The following JAZF1 variants were observed in gnomAD, a reference collection of about 807,000 sequenced individuals.
JAZF1 encodes the protein JAZF zinc finger 1.
Under a neutral mutation model 26.4 loss-of-function variants are expected in JAZF1, and 8 were observed. The observed-to-expected ratio is 0.30, with a 90% CI of 0.18 to 0.55. The LOEUF is 0.55. Among genes scored for constraint, JAZF1 ranks in the 20% least tolerant of loss-of-function variants. The probability of loss-of-function intolerance (pLI) is 0.94; values close to 1 mark genes in which losing one functional copy is unlikely to be tolerated. For missense variants in JAZF1, 199 were observed against 322.0 expected, an observed-to-expected ratio of 0.62 and a Z score of 2.92; for synonymous variants, 126 against 122.3, an observed-to-expected ratio of 1.03 and a Z score of -0.20.
chr7:28,127,479 A>G (rs1003963538), intron 1 of JAZF1, among the ~76,000 whole-genome samples: 1 of 152,172 alleles, frequency 6.6e-6, no homozygotes, highest in Admixed American at 6.5e-5. Flanking sequence ...AACCTTCACC[A>G]GGCTTGCCTT....
intron 1 of JAZF1, among the ~76,000 whole-genome samples, chr7:28,160,032 T>C (rs1783257464): frequency 1.3e-5 from 2 of 152,112 alleles, no homozygotes; most frequent in Admixed American, 6.5e-5. Context: ...CTTAACAGAA[T>C]GATGGGGTGA....
chr7:27,979,360 C>T (rs929218244), intron 2 of JAZF1, among the ~76,000 whole-genome samples: 4 of 123,886 alleles, frequency 3.2e-5, no homozygotes, highest in Non-Finnish European at 6.5e-5. Flanking sequence ...TGGCCAGGTA[C>T]ACTACATTTT....
chr7:28,145,720 A>G (rs1783017248), intron 1 of JAZF1, among the ~76,000 whole-genome samples: 1 of 133,828 alleles, frequency 7.5e-6, no homozygotes, highest in Non-Finnish European at 1.5e-5. Flanking sequence ...CACCACAATA[A>G]AAAAAAAAAC....
chr7:28,056,218 C>T (rs10243394), intron 1 of JAZF1, among the ~76,000 whole-genome samples: 10,409 of 151,168 alleles, frequency 0.069, 1,221 homozygotes, highest in African/African-American at 0.24. Context: ...ACCTGGAGCA[C>T]GCAATAAACT....
Position 27,885,676 on chromosome 7 carries a change from A to AT in JAZF1, c.385+9543dup, listed in dbSNP as rs777838081. Among the ~76,000 whole-genome samples, 854 of 149,006 alleles carry AT rather than the reference A, an allele frequency of 5.7e-3. 1 individual carries two copies. The highest frequency in any genetic ancestry group is 0.018 in the African/African-American group (745 of 40,668). ...TTAGTGTTGCCGAAGTCCAACTTCC[A>AT]TTTTTTTTTTCCTTTGGTCCCACAG... On this transcript the variant is annotated intron_variant, in intron 3 of 4. Coordinates refer to ENST00000283928, the MANE Select transcript of JAZF1 (RefSeq NM_175061.4).
chr7:27,853,761 G>A (rs973531010), intron 3 of JAZF1, among the ~76,000 whole-genome samples: 4 of 152,064 alleles, frequency 2.6e-5, no homozygotes, highest in Admixed American at 1.3e-4. Flanking sequence ...ATTTCTGTTC[G>A]TTTGCATTTG....
intron 2 of JAZF1, among the ~76,000 whole-genome samples, chr7:27,982,164 A>T (rs188676861): frequency 1.3e-5 from 2 of 152,348 alleles, no homozygotes; most frequent in Admixed American, 1.3e-4. Flanking sequence ...CACCGCACCC[A>T]GGAAGTGCAA....
At chr7:27,845,998 C>T (rs1221451999) in intron 3 of JAZF1, among the ~76,000 whole-genome samples, 1 of 151,960 alleles carries the variant, frequency 6.6e-6, no homozygotes, top group Non-Finnish European at 1.5e-5. Context: ...TGCCAACCAC[C>T]CCTCCCCATA....
chr7:28,036,741 G>A (rs1783301000), intron 1 of JAZF1, among the ~76,000 whole-genome samples: 1 of 152,214 alleles, frequency 6.6e-6, no homozygotes, highest in South Asian at 2.1e-4. Context: ...ACACCTAGAG[G>A]TTCCTAACCC....
intron 2 of JAZF1, among the ~76,000 whole-genome samples, chr7:27,938,809 T>G (rs932253159): frequency 5.9e-5 from 9 of 151,766 alleles, no homozygotes; most frequent in Non-Finnish European, 1.0e-4. Flanking sequence ...ATAGCTATTT[T>G]TTTTTTTTTT....
intron 2 of JAZF1, among the ~76,000 whole-genome samples, chr7:27,930,535 A>G (rs1232425122): frequency 6.6e-6 from 1 of 152,206 alleles, no homozygotes; most frequent in Non-Finnish European, 1.5e-5. Context: ...TAATGAAAAC[A>G]GGCACATTTA....
Position 27,832,919 on chromosome 7 carries a change from G to A in JAZF1, c.613C>T (p.Arg205Cys), listed in dbSNP as rs758028442. Residue 205 changes from arginine to cysteine, a missense_variant, in exon 5 of 5, where the codon CGC becomes TGC. Around this residue, in one of 2 missense-constraint regions of JAZF1, gnomAD observed 62 missense variants for 137.2 expected, o/e 0.45. Transcript: ENST00000283928. Reference sequence around the variant, plus strand: ...CCACAGCGACACTTGAATGGTTTGCGGACACGAATCTGTGTTCTGTGACCA... The same window carrying A: ...CCACAGCGACACTTGAATGGTTTGCAGACACGAATCTGTGTTCTGTGACCA... ...KNGHRTQIRV[R>C]KPFKCRCGKS... 5.0e-6 allele frequency: 8 copies of A among 1,612,988 alleles called. No individual in the cohort carries two copies. Among genetic ancestry groups the A allele is most frequent in the South Asian group, 3.3e-5 (3 of 90,938 alleles).
At chr7:27,933,435 T>C (rs1196195016) in intron 2 of JAZF1, among the ~76,000 whole-genome samples, 1 of 152,214 alleles carries the variant, frequency 6.6e-6, no homozygotes, top group Admixed American at 6.5e-5. Flanking sequence ...AAATCCTTCC[T>C]AGGCCCTCCT....
chr7:28,075,157 A>G (rs1187816705), intron 1 of JAZF1, among the ~76,000 whole-genome samples: 2 of 152,114 alleles, frequency 1.3e-5, no homozygotes, highest in Admixed American at 1.3e-4. Flanking sequence ...CATCTCTCCA[A>G]ACCTGTGCAT....
chr7:27,992,036 G>A (rs1181245092), intron 1 of JAZF1, 55 bp from the exon 2 acceptor site: 1 of 1,022,750 alleles, frequency 9.8e-7, no homozygotes, highest in Non-Finnish European at 1.6e-6. Flanking sequence ...GAATATATGA[G>A]GCTACCTAAC....
chr7:27,924,675 G>A (rs1220417899), intron 2 of JAZF1, among the ~76,000 whole-genome samples: 1 of 152,242 alleles, frequency 6.6e-6, no homozygotes, highest in Non-Finnish European at 1.5e-5. Flanking sequence ...TTTGAAGCCA[G>A]CAAGAAGGCA....
At chr7:28,046,626 C>T (rs1389079707) in intron 1 of JAZF1, among the ~76,000 whole-genome samples, 1 of 152,156 alleles carries the variant, frequency 6.6e-6, no homozygotes, top group African/African-American at 2.4e-5. Flanking sequence ...GTTCCAAGAG[C>T]GTCCTTTCTG....
chr7:27,957,453 C>T (rs554223585), intron 2 of JAZF1, among the ~76,000 whole-genome samples: 18 of 152,254 alleles, frequency 1.2e-4, no homozygotes, highest in Admixed American at 9.2e-4. Flanking sequence ...TTTCAAACGA[C>T]GCAGCTGGTG....
chr7:27,970,434 CAAACA>C (rs550301794), intron 2 of JAZF1, among the ~76,000 whole-genome samples: 13 of 151,902 alleles, frequency 8.6e-5, no homozygotes, highest in African/African-American at 3.1e-4. Context: ...TGAACCTGGA[CAAACA>C]AAACAAAACA....
Sources: allele counts gnomAD v4.1 joint callset (sites outside exome capture counted in the v4.1 genomes callset), GRCh38; gene constraint gnomAD v4.1.1; regional missense constraint gnomAD v4.1.1; transcripts MANE v1.5; gene names NCBI Gene and HGNC (gene_info 2026-07-23, HGNC 2026-07-21).